The following PHLPP2 variants were observed in gnomAD, a reference collection of about 807,000 sequenced individuals.
PHLPP2 encodes PH domain leucine-rich repeat-containing protein phosphatase 2.
PHLPP2 carries 66 observed loss-of-function variants against 124.9 expected under a neutral mutation model. The observed-to-expected ratio is 0.53, with a 90% CI of 0.43 to 0.65. The LOEUF (loss-of-function observed/expected upper bound fraction) is 0.65, where lower values mean the gene tolerates loss of function less well. Among genes scored for constraint, PHLPP2 ranks in the 30% least tolerant of loss-of-function variants. The pLI is 0.00. For missense variants in PHLPP2, 1,685 were observed against 1,600.4 expected (o/e 1.05, Z -0.90); for synonymous variants, 681 against 624.7 (o/e 1.09, Z -1.34).
chr16:71,719,173 T>G (rs2045381752), intron 1 of PHLPP2, among the ~76,000 whole-genome samples: 3 of 152,242 alleles, frequency 2.0e-5, no homozygotes, highest in Admixed American at 2.0e-4. Flanking sequence ...ACAAATTTAT[T>G]TGAAAGGGAA....
chr16:71,671,870 C>T (rs1321868382), intron 10 of PHLPP2, among the ~76,000 whole-genome samples: 10 of 152,062 alleles, frequency 6.6e-5, no homozygotes, highest in African/African-American at 2.2e-4. Flanking sequence ...GCCGAGATCA[C>T]GCCACTGCAC....
chr16:71,677,479 TA>T (rs2044957706), intron 8 of PHLPP2: 1 of 83,086 alleles, frequency 1.2e-5, no homozygotes, highest in African/African-American at 4.5e-5. Context: ...TATATATATA[TA>T]TATATATATA....
In PHLPP2 at chr16:71,655,434, C is replaced by T; in HGVS notation, c.2391G>A (p.Lys797=). Reference sequence around the variant, plus strand: ...CCATAGCAAGTGCTGAGACACACAGCCTATAATAGAAACATGAAAACAGAA... The same window carrying T: ...CCATAGCAAGTGCTGAGACACACAGTCTATAATAGAAACATGAAAACAGAA... ...GLAEMAGQRN[K]LCVSALAMDS... is the part of the protein sequence containing the mutation. The change falls in exon 17 of 19, where the codon AAG becomes AAA. Residue 797 remains lysine, a splice_region_variant and synonymous_variant. Transcript: ENST00000568954. 1 of 1,603,612 alleles carries T rather than the reference C, an allele frequency of 6.2e-7. No individual in the cohort carries two copies. The highest frequency in any genetic ancestry group is 8.5e-7 in the Non-Finnish European group (1 of 1,172,326).
rs564737119 is a variant in PHLPP2 at position 71,663,254 on chromosome 16, G to C, written c.1985+645C>G. ...AGCCTCTCGAGTAGCTGTGATTACA[G>C]GCATGTGCCACCACGTACGGCTAAT... is the stretch of plus-strand genomic sequence containing the variant. On this transcript the variant is annotated intron_variant, in intron 13 of 18. Transcript: ENST00000568954. 3.3e-5 allele frequency among the ~76,000 whole-genome samples: 5 copies of C among 152,324 alleles called. No homozygotes were observed. In the South Asian group the frequency reaches 1.0e-3, roughly 32 times the overall value.
intron 6 of PHLPP2, among the ~76,000 whole-genome samples, chr16:71,680,965 T>G (rs955674415): frequency 8.5e-5 from 13 of 152,218 alleles, no homozygotes; most frequent in African/African-American, 3.1e-4. Flanking sequence ...TGAAACACTT[T>G]CTAAAACAAT....
chr16:71,648,704 G>A lies in PHLPP2; in HGVS notation c.*186C>T. On this transcript the variant is annotated 3_prime_UTR_variant, in exon 19 of 19. Coordinates refer to ENST00000568954, the MANE Select transcript of PHLPP2 (RefSeq NM_015020.3). ...GGAGAATGGCTTGAACCCAGGGACAGAGGCTGCAGTGACCCGAGACCCCAC... is the reference window on the plus strand; with the variant it reads ...GGAGAATGGCTTGAACCCAGGGACAAAGGCTGCAGTGACCCGAGACCCCAC... 1 of 581,100 alleles carries A rather than the reference G, an allele frequency of 1.7e-6. No homozygotes were observed. Among genetic ancestry groups the A allele is most frequent in the East Asian group, 2.8e-5 (1 of 36,062 alleles). The allele number at this position is 581,100 out of a possible 1,614,324, so 36.0% of individuals were successfully genotyped here.
In PHLPP2 at chr16:71,647,500, T is replaced by C. The variant is rs1032990418; in HGVS notation, c.*1390A>G. 3 of 152,368 alleles carry C rather than the reference T, an allele frequency of 2.0e-5. No individual in the cohort carries two copies. Among genetic ancestry groups the C allele is most frequent in the African/African-American group, 7.2e-5 (3 of 41,456 alleles). 9.4% of individuals were successfully genotyped at this position (152,368 alleles called of 1,614,324 possible). A position where few individuals can be genotyped will look rare whatever the true frequency, so the allele number is the denominator to read the frequency against. On this transcript the variant is annotated 3_prime_UTR_variant, in exon 19 of 19. Transcript: ENST00000568954. ...AGAGAACCATCCCTCTCCTCCAGCA[T>C]AGGAGAAGGAACAAGTCTAACCTGA...
chr16:71,672,381 C>T (rs1475883887), intron 9 of PHLPP2, 59 bp from the exon 10 acceptor site: 43 of 1,205,728 alleles, frequency 3.6e-5, no homozygotes, highest in Non-Finnish European at 5.1e-5. Flanking sequence ...TAACTGAGAG[C>T]TGACAATGGA....
At position 71,646,551 on chromosome 16, in the gene PHLPP2, T is replaced by G. The variant is rs2044654566; in HGVS notation, c.*2339A>C. On this transcript the variant is annotated 3_prime_UTR_variant, in exon 19 of 19. Coordinates refer to ENST00000568954, the MANE Select transcript of PHLPP2 (RefSeq NM_015020.3). ...AGGGTTCACCATAATGAATAATTTT[T>G]ATAAGACTATACTATTAAAGTGGTG... The G allele has an allele frequency of 2.0e-5, 3 of 152,236 alleles. No individual in the cohort carries two copies. In the South Asian group the frequency reaches 6.2e-4, roughly 32 times the overall value. 9.4% of individuals were successfully genotyped at this position (152,236 alleles called of 1,614,324 possible).
chr16:71,687,983 G>A (rs1188517862), intron 4 of PHLPP2, among the ~76,000 whole-genome samples: 1 of 152,074 alleles, frequency 6.6e-6, no homozygotes, highest in African/African-American at 2.4e-5. Context: ...GTCAGTCCAG[G>A]ACTAGCCTAA....
chr16:71,698,831 C>T, intron 3 of PHLPP2: 1 of 228,690 alleles, frequency 4.4e-6, no homozygotes, highest in Non-Finnish European at 8.8e-6. Context: ...TCACTTTTCC[C>T]CCAGCACTCC....
Position 71,690,705 on chromosome 16 carries a change from T to C in PHLPP2, c.423A>G (p.Lys141=). 7.5e-6 allele frequency: 12 copies of C among 1,606,322 alleles called. No individual in the cohort carries two copies. The highest frequency in any genetic ancestry group is 1.0e-5 in the Non-Finnish European group (12 of 1,175,628). Residue 141 remains lysine (K), a synonymous_variant, in exon 4 of 19, where the codon AAA becomes AAG. Transcript: ENST00000568954. ...LGCMIRFYGE[K]PCHMDRLDRI... is the part of the protein sequence containing the mutation. The stretch of plus-strand genomic sequence containing the variant: ...GATCCAAACGATCCATGTGGCATGG[T>C]TTTTCTGAAAAGGAAATAATACTTC...
In PHLPP2 at chr16:71,672,786, T is replaced by C. The variant is rs187311572; in HGVS notation, c.1472-464A>G. ...CCCTGGGAACTGCCCCATGTTTCCCTTTCCAGTCACTTCCCCTCAAGGAGT... is the reference window on the plus strand; with the variant it reads ...CCCTGGGAACTGCCCCATGTTTCCCCTTCCAGTCACTTCCCCTCAAGGAGT... On this transcript the variant is annotated intron_variant, in intron 9 of 18. Transcript: ENST00000568954. Among the ~76,000 whole-genome samples, 391 of 152,340 alleles carry C rather than the reference T, an allele frequency of 2.6e-3. 1 individual carries two copies. The highest frequency in any genetic ancestry group is 4.7e-3 in the Non-Finnish European group (320 of 68,016).
At chr16:71,702,853 A>G in intron 2 of PHLPP2, 122 bp from the exon 3 acceptor site, 1 of 601,320 alleles carries the variant, frequency 1.7e-6, no homozygotes, top group Non-Finnish European at 2.8e-6. Context: ...TCACATGAAT[A>G]TACTGCTTAG....
intron 5 of PHLPP2, among the ~76,000 whole-genome samples, chr16:71,683,522 G>A (rs2045023706): frequency 6.6e-6 from 1 of 152,124 alleles, no homozygotes; most frequent in East Asian, 1.9e-4. Flanking sequence ...GTTGAGGGAA[G>A]GTCATTTAAA....
At chr16:71,674,630 T>C (rs2044928403) in intron 9 of PHLPP2, among the ~76,000 whole-genome samples, 1 of 152,184 alleles carries the variant, frequency 6.6e-6, no homozygotes, top group African/African-American at 2.4e-5. Flanking sequence ...CTTTAGTACA[T>C]TCATTTTCAC....
At chr16:71,694,535 T>C (rs1162720843) in intron 3 of PHLPP2, among the ~76,000 whole-genome samples, 1 of 151,850 alleles carries the variant, frequency 6.6e-6, no homozygotes, top group Admixed American at 6.6e-5. Flanking sequence ...CAATAAAAAG[T>C]AATAAATAAA....
At chr16:71,707,022 C>T (rs1775403430) in intron 2 of PHLPP2, among the ~76,000 whole-genome samples, 2 of 139,058 alleles carry the variant, frequency 1.4e-5, no homozygotes, top group South Asian at 2.3e-4. Flanking sequence ...GGCGCAATCT[C>T]GGCTCACTGC....
At chr16:71,685,796 A>G (rs551258481) in intron 4 of PHLPP2, among the ~76,000 whole-genome samples, 1 of 152,364 alleles carries the variant, frequency 6.6e-6, no homozygotes, top group East Asian at 1.9e-4. Context: ...ACAGATCTGT[A>G]AATCTCTCAC....
Sources: gnomAD v4.1 joint callset for allele counts (sites outside exome capture counted in the v4.1 genomes callset) on GRCh38, gnomAD v4.1.1 for gene constraint, MANE v1.5 for transcripts, NCBI Gene and HGNC (gene_info 2026-07-23, HGNC 2026-07-21) for gene names.